LHX9: variants seen among roughly 807,000 people sequenced by gnomAD.
LHX9 encodes the protein LIM/homeobox protein Lhx9.
In LHX9, 9 loss-of-function variants were observed where a neutral mutation model predicts 36.5. The observed-to-expected ratio is 0.25, with a 90% CI of 0.15 to 0.43. LHX9 has a LOEUF of 0.43. LHX9 is among the 20% of genes least tolerant of loss of function. LHX9 has a pLI of 1.00. For synonymous variants in LHX9, 211 were observed against 212.1 expected, an observed-to-expected ratio of 0.99 and a Z score of 0.04; for missense variants, 464 against 526.4, an observed-to-expected ratio of 0.88 and a Z score of 1.16.
chr1:197,929,135 G>A lies in LHX9; in HGVS notation c.1070G>A (p.Gly357Asp). 3 of 1,613,534 alleles carry A rather than the reference G, an allele frequency of 1.9e-6. No homozygotes were observed. The highest frequency in any genetic ancestry group is 2.5e-6 in the Non-Finnish European group (3 of 1,179,866). The change falls in exon 5 of 5, where the codon GGC becomes GAC. Residue 357 changes from glycine to aspartate, a missense_variant. Around this residue, in one of 5 missense-constraint regions of LHX9, gnomAD observed 102 missense variants for 97.0 expected, o/e 1.05. Coordinates refer to ENST00000367387, the MANE Select transcript of LHX9 (RefSeq NM_020204.3). The part of the protein sequence containing the change: ...SADSGALTPP[G>D]TATTLTDLTN... ...GACAGCGGAGCTCTCACTCCACCCG[G>A]CACTGCGACCACTTTAACAGACCTG... is the stretch of plus-strand genomic sequence containing the variant.
intron 3 of LHX9, among the ~76,000 whole-genome samples, chr1:197,925,326 T>C (rs1295629540): frequency 6.6e-6 from 1 of 152,172 alleles, no homozygotes; most frequent in Non-Finnish European, 1.5e-5. Context: ...TATAGTCAGG[T>C]TGGGAATCAT....
intron 3 of LHX9, among the ~76,000 whole-genome samples, chr1:197,926,678 A>T (rs2102600719): frequency 6.6e-6 from 1 of 152,310 alleles, no homozygotes; most frequent in Middle Eastern, 3.4e-3. Context: ...CCAGGGGCAC[A>T]GCTCACATCC....
chr1:197,930,376 T>C lies in LHX9; in HGVS notation c.*1117T>C, dbSNP rs889510389. On this transcript the variant is annotated 3_prime_UTR_variant, in exon 5 of 5. Coordinates refer to ENST00000367387, the MANE Select transcript of LHX9 (RefSeq NM_020204.3). ...ATAAACTCAGAAGCCTTGTGGATGC[T>C]GATCTGAATATATTTCCTAGTTTAC... 2.6e-5 allele frequency: 4 copies of C among 152,160 alleles called. No homozygotes were observed. Among genetic ancestry groups the C allele is most frequent in the Non-Finnish European group, 5.9e-5 (4 of 67,974 alleles). The allele number at this position is 152,160 out of a possible 1,614,324, so 9.4% of individuals were successfully genotyped here.
At chr1:197,923,070 C>A (rs150384123) in intron 3 of LHX9, among the ~76,000 whole-genome samples, 1 of 152,212 alleles carries the variant, frequency 6.6e-6, no homozygotes, top group African/African-American at 2.4e-5. Context: ...GGTTCTCTAC[C>A]GACTGATCTA....
At chr1:197,924,666 AC>A (rs1213936543) in intron 3 of LHX9, among the ~76,000 whole-genome samples, 2 of 152,148 alleles carry the variant, frequency 1.3e-5, no homozygotes, top group African/African-American at 2.4e-5. Flanking sequence ...TCCTATCCAA[AC>A]TTTTAAGGCT....
In LHX9 at chr1:197,932,148, G is replaced by T; in HGVS notation, c.*2889G>T. 2.0e-6 allele frequency: 1 copy of T among 499,322 alleles called. No homozygotes were observed. Among genetic ancestry groups the T allele is most frequent in the Non-Finnish European group, 3.6e-6 (1 of 280,634 alleles). 30.9% of individuals were successfully genotyped at this position (499,322 alleles called of 1,614,324 possible). ...TAACGAAACTTGTGTTCTTTATGGT[G>T]TCTAACACAACTGAAGGCCTAAAAT... On this transcript the variant is annotated 3_prime_UTR_variant, in exon 5 of 5. Coordinates refer to ENST00000367387, the MANE Select transcript of LHX9 (RefSeq NM_020204.3).
chr1:197,920,486 C>T (rs1035271250), intron 2 of LHX9, among the ~76,000 whole-genome samples: 4 of 152,102 alleles, frequency 2.6e-5, no homozygotes, highest in African/African-American at 4.8e-5. Context: ...CTCCGTCTAC[C>T]GAGACTTGAT....
chr1:197,912,785 G>A, upstream of LHX9: 1 of 589,800 alleles, frequency 1.7e-6, no homozygotes, highest in Non-Finnish European at 3.0e-6. Flanking sequence ...CTCTTTGACT[G>A]TCTTTGACTT....
chr1:197,930,322 G>C lies in LHX9; in HGVS notation c.*1063G>C, dbSNP rs1355014605. On this transcript the variant is annotated 3_prime_UTR_variant, in exon 5 of 5. Transcript: ENST00000367387. ...ATTGAAAATAATTTTTCTGATATTA[G>C]AGATTTGAAGTTATTAGTCTTAAAG... 1 of 153,222 alleles carries C rather than the reference G, an allele frequency of 6.5e-6. No individual in the cohort carries two copies. Among genetic ancestry groups the C allele is most frequent in the Non-Finnish European group, 1.4e-5 (1 of 69,046 alleles). The allele number at this position is 153,222 out of a possible 1,614,324, so 9.5% of individuals were successfully genotyped here.
At chr1:197,920,328 A>G (rs1659942616) in intron 2 of LHX9, among the ~76,000 whole-genome samples, 154 bp downstream of exon 2, 1 of 132,768 alleles carries the variant, frequency 7.5e-6, no homozygotes, top group Non-Finnish European at 1.6e-5. Flanking sequence ...TATGCCTTCA[A>G]GCTGTAATCT....
At position 197,935,387 on chromosome 1, in the gene LHX9, T is replaced by C. The variant is rs1660425516; in HGVS notation, c.*6128T>C. ...AAAGTTTTTTTCTTTTGGAACTTTC[T>C]GTTTACATTTTGCATGATCTTATAA... On this transcript the variant is annotated 3_prime_UTR_variant, in exon 5 of 5. Coordinates refer to ENST00000367387, the MANE Select transcript of LHX9 (RefSeq NM_020204.3). 2.6e-5 allele frequency: 4 copies of C among 152,242 alleles called. No individual in the cohort carries two copies. In the South Asian group the frequency reaches 8.3e-4, roughly 32 times the overall value. The allele number at this position is 152,242 out of a possible 1,614,324, so 9.4% of individuals were successfully genotyped here.
intron 3 of LHX9, among the ~76,000 whole-genome samples, chr1:197,923,392 T>A (rs1321707532): frequency 6.6e-6 from 1 of 152,140 alleles, no homozygotes; most frequent in Non-Finnish European, 1.5e-5. Flanking sequence ...CTTCATCTTC[T>A]TTGATGCGTG....
chr1:197,920,797 G>C (rs904116566), intron 2 of LHX9, among the ~76,000 whole-genome samples: 1 of 152,130 alleles, frequency 6.6e-6, no homozygotes, highest in African/African-American at 2.4e-5. Flanking sequence ...AGGTGACCTA[G>C]TTCCGCTCTC....
chr1:197,916,998 A>C (rs1203879748), upstream of LHX9, among the ~76,000 whole-genome samples: 1 of 152,172 alleles, frequency 6.6e-6, no homozygotes, highest in Admixed American at 6.5e-5. Flanking sequence ...ACTCGGATCA[A>C]ATAGGCGGGT....
At chr1:197,925,407 T>C (rs1050044690) in intron 3 of LHX9, among the ~76,000 whole-genome samples, 3 of 152,170 alleles carry the variant, frequency 2.0e-5, no homozygotes, top group African/African-American at 4.8e-5. Context: ...AAACACCAAG[T>C]CCTCTGTCCC....
In LHX9 at chr1:197,931,904, T is replaced by C; in HGVS notation, c.*2645T>C. 1 of 1,546,374 alleles carries C rather than the reference T, an allele frequency of 6.5e-7. No individual in the cohort carries two copies. Among genetic ancestry groups the C allele is most frequent in the Non-Finnish European group, 8.7e-7 (1 of 1,143,610 alleles). On this transcript the variant is annotated 3_prime_UTR_variant, in exon 5 of 5. Transcript: ENST00000367387. ...TGCTCTGTAGTTAATAAATTGTCAC[T>C]ATGATTTTTTTCAGGGAGAACAAAT...
chr1:197,918,443 C>A (rs567014148), intron 1 of LHX9: 3 of 714,044 alleles, frequency 4.2e-6, no homozygotes, highest in Admixed American at 2.0e-5. Context: ...GCCTGATGAC[C>A]GGACCTGTGG....
chr1:197,918,022 G>A, intron 1 of LHX9, 25 bp downstream of exon 1: 1 of 1,602,646 alleles, frequency 6.2e-7, no homozygotes, highest in Admixed American at 1.8e-5. Context: ...CGCCGCGGCG[G>A]TAGCCGGGCA....
rs988941540 is a variant in LHX9, at chr1:197,933,737, A to G, written c.*4478A>G. 1.9e-5 allele frequency: 2 copies of G among 103,066 alleles called. No individual in the cohort carries two copies. Among genetic ancestry groups the G allele is most frequent in the African/African-American group, 7.2e-5 (2 of 27,842 alleles). 6.4% of individuals were successfully genotyped at this position (103,066 alleles called of 1,614,324 possible). A position where few individuals can be genotyped will look rare whatever the true frequency, so the allele number is the denominator to read the frequency against. On this transcript the variant is annotated 3_prime_UTR_variant, in exon 5 of 5. Transcript: ENST00000367387. ...AAATTTGAAACAGGCACATTTTTTAAAACCAAAAAAAAAAAAAAAAAGAGA... is the reference window on the plus strand; with the variant it reads ...AAATTTGAAACAGGCACATTTTTTAGAACCAAAAAAAAAAAAAAAAAGAGA...
Sources: gnomAD v4.1 joint callset for allele counts (sites outside exome capture counted in the v4.1 genomes callset) on GRCh38, gnomAD v4.1.1 for gene constraint, gnomAD v4.1.1 regional missense constraint, MANE v1.5 for transcripts, NCBI Gene and HGNC (gene_info 2026-07-23, HGNC 2026-07-21) for gene names.